Variants in HMG20B observed in about 807,000 individuals in gnomAD.
HMG20B encodes the protein SWI/SNF-related matrix-associated actin-dependent regulator of chromatin subfamily E member 1-related.
HMG20B carries 24 observed loss-of-function variants against 41.6 expected under a neutral mutation model. The ratio of observed to expected loss-of-function variants is 0.58; its 90% CI spans 0.42 to 0.81. The LOEUF is 0.81. HMG20B is among the 30% of genes least tolerant of loss of function. HMG20B has a pLI of 0.00. For synonymous variants in HMG20B, 251 were observed against 186.6 expected, an observed-to-expected ratio of 1.34 and a Z score of -2.81; for missense variants, 461 against 444.0, an observed-to-expected ratio of 1.04 and a Z score of -0.34.
In HMG20B at chr19:3,576,580, T is replaced by C; in HGVS notation, c.547T>C (p.Phe183Leu). 1 of 1,613,606 alleles carries C rather than the reference T, an allele frequency of 6.2e-7. No individual in the cohort carries two copies. Among genetic ancestry groups the C allele is most frequent in the Non-Finnish European group, 8.5e-7 (1 of 1,179,740 alleles). Residue 183 changes from phenylalanine to leucine, a missense_variant, in exon 7 of 10, where the codon TTC (phenylalanine) becomes CTC (leucine). Phe to Leu is a conservative substitution (Grantham distance 22, BLOSUM62 0). Coordinates refer to ENST00000333651, the MANE Select transcript of HMG20B (RefSeq NM_006339.3). ...KGGDCDGFSTFDVPIFTEEFL... is the reference protein window; with the variant it reads ...KGGDCDGFSTLDVPIFTEEFL... ...TGGGGACTGCGATGGCTTCTCCACC[T>C]TCGATGTTCCCATCTTCACTGAAGA... is the stretch of plus-strand genomic sequence containing the variant.
chr19:3,575,960 GAAAA>G (rs1340755763), intron 5 of HMG20B: 5 of 437,770 alleles, frequency 1.1e-5, no homozygotes, highest in South Asian at 3.1e-5. Flanking sequence ...AAAAAAAAAA[GAAAA>G]AGAAAAATGA....
intron 5 of HMG20B, 66 bp downstream of exon 5, chr19:3,575,726 G>GT (rs1308278046): frequency 7.0e-7 from 1 of 1,421,508 alleles, no homozygotes; most frequent in Non-Finnish European, 9.6e-7. Flanking sequence ...CGAGGCGGGT[G>GT]TATCACCTGA....
At chr19:3,573,848 A>C (rs759336139) in intron 3 of HMG20B, 48 bp downstream of exon 3, 4 of 1,477,412 alleles carry the variant, frequency 2.7e-6, no homozygotes, top group East Asian at 2.4e-5. Context: ...CTCCCGCCCC[A>C]GCCTCGAAGC....
intron 2 of HMG20B, 26 bp from the exon 3 acceptor site, chr19:3,573,666 G>C (rs1269736713): frequency 6.8e-7 from 1 of 1,478,074 alleles, no homozygotes; most frequent in Non-Finnish European, 8.9e-7. Flanking sequence ...TTGGGACGGG[G>C]CTGACCGCGG....
chr19:3,575,943 CAAAAAA>C (rs71166913), intron 5 of HMG20B: 4 of 289,538 alleles, frequency 1.4e-5, no homozygotes, highest in Admixed American at 5.2e-5. Context: ...GACTCCGTCT[CAAAAAA>C]AAAAAAAAAA....
chr19:3,576,573 C>T lies in HMG20B; in HGVS notation c.540C>T (p.Phe180=), dbSNP rs771697495. 1.1e-4 allele frequency: 183 copies of T among 1,613,470 alleles called. No homozygotes were observed. In the South Asian group the frequency reaches 1.9e-3, roughly 17 times the overall value. ...NGHKGGDCDG[F]STFDVPIFTE... ...CTTAGGGTGGGGACTGCGATGGCTTCTCCACCTTCGATGTTCCCATCTTCA... is the reference window on the plus strand; with the variant it reads ...CTTAGGGTGGGGACTGCGATGGCTTTTCCACCTTCGATGTTCCCATCTTCA... Residue 180 remains phenylalanine (F), a synonymous_variant, in exon 7 of 10, where the codon TTC becomes TTT. Transcript: ENST00000333651.
Position 3,573,328 on chromosome 19 carries a change from C to G in HMG20B, c.19C>G (p.Gln7Glu). 1 of 1,534,412 alleles carries G rather than the reference C, an allele frequency of 6.5e-7. No individual in the cohort carries two copies. The highest frequency in any genetic ancestry group is 8.7e-7 in the Non-Finnish European group (1 of 1,143,272). Reference protein sequence around the residue: MSHGPKQPGAAAAPAGG... With the variant: MSHGPKEPGAAAAPAGG... ...AGCGGCCATGTCCCACGGCCCCAAG[C>G]AGCCCGGCGCGGCCGCCGCGTGAGT... Residue 7 changes from glutamine (Q) to glutamate (E), a missense_variant, in exon 2 of 10, where the codon CAG becomes GAG. Gln to Glu is a conservative substitution (Grantham distance 29). Transcript: ENST00000333651.
intron 5 of HMG20B, 113 bp downstream of exon 5, chr19:3,575,773 C>G (rs1410712345): frequency 2.3e-6 from 2 of 866,126 alleles, no homozygotes; most frequent in East Asian, 2.9e-5. Flanking sequence ...GAAACCCTCC[C>G]CCTCTACTAA....
chr19:3,575,695 C>A (rs1362730924), intron 5 of HMG20B, 35 bp downstream of exon 5: 13 of 1,537,420 alleles, frequency 8.5e-6, no homozygotes, highest in Non-Finnish European at 1.1e-5. Flanking sequence ...TCACGCCTGT[C>A]ATCCCAGCAC....
At chr19:3,573,476 C>G (rs559484787) in intron 2 of HMG20B, 129 bp downstream of exon 2, 3 of 1,063,580 alleles carry the variant, frequency 2.8e-6, no homozygotes, top group Non-Finnish European at 3.9e-6. Flanking sequence ...GCTTCTCCCT[C>G]CACCCAATTC....
chr19:3,573,454 C>G (rs1166947591), intron 2 of HMG20B, 107 bp downstream of exon 2: 1 of 1,233,680 alleles, frequency 8.1e-7, no homozygotes, highest in East Asian at 2.9e-5. Flanking sequence ...ACTCCCCCAC[C>G]TGGGTCAGGG....
In HMG20B at chr19:3,577,045, A is replaced by T. The variant is rs977547629; in HGVS notation, c.746A>T (p.Gln249Leu). 1.9e-6 allele frequency: 3 copies of T among 1,548,052 alleles called. No homozygotes were observed. Among genetic ancestry groups the T allele is most frequent in the Non-Finnish European group, 2.6e-6 (3 of 1,147,168 alleles). ...GAGGAGCGGAGGACGCTGGCGCTGC[A>T]GCAGCAGCTCCAGGCCGTGCGCCAG... is the stretch of plus-strand genomic sequence containing the variant. ...ALEERRTLALQQQLQAVRQAL... is the reference protein window; with the variant it reads ...ALEERRTLALLQQLQAVRQAL... Residue 249 changes from glutamine (Q) to leucine (L), a missense_variant, in exon 8 of 10, where the codon CAG becomes CTG. Gln to Leu is a moderately radical substitution (Grantham distance 113). Transcript: ENST00000333651.
Position 3,574,482 on chromosome 19 carries a change from G to C in HMG20B, c.247G>C (p.Glu83Gln). Residue 83 changes from glutamate to glutamine, a missense_variant, in exon 4 of 10, where the codon GAG (glutamate) becomes CAG (glutamine). Coordinates refer to ENST00000333651, the MANE Select transcript of HMG20B (RefSeq NM_006339.3). Reference protein sequence around the residue: ...PVTGYVRFLNERREQIRTRHP... With the variant: ...PVTGYVRFLNQRREQIRTRHP... ...CACGGGCTACGTGCGCTTCCTGAAC[G>C]AGCGGCGCGAGCAGATCCGCACGCG... The C allele has an allele frequency of 6.2e-7, 1 of 1,607,992 alleles. No homozygotes were observed. The highest frequency in any genetic ancestry group is 8.5e-7 in the Non-Finnish European group (1 of 1,178,140).
chr19:3,576,833 A>G, intron 7 of HMG20B, 59 bp from the exon 8 acceptor site: 1 of 1,527,586 alleles, frequency 6.5e-7, no homozygotes, highest in Non-Finnish European at 8.9e-7. Flanking sequence ...TCCCGGGCAA[A>G]AGCCCGGAGG....
In HMG20B at chr19:3,574,504, C is replaced by T; in HGVS notation, c.269C>T (p.Thr90Met). The change falls in exon 4 of 10, where the codon ACG becomes ATG. Residue 90 changes from threonine (T) to methionine (M), a missense_variant. This residue lies in a region of HMG20B where 49 missense variants were observed against 84.1 expected (regional missense o/e 0.58). Transcript: ENST00000333651. ...FLNERREQIR[T>M]RHPDLPFPEI... ...AACGAGCGGCGCGAGCAGATCCGCA[C>T]GCGCCACCCGGATCTGCCCTTTCCC... 6.2e-7 allele frequency: 1 copy of T among 1,606,034 alleles called. No individual in the cohort carries two copies. The highest frequency in any genetic ancestry group is 8.5e-7 in the Non-Finnish European group (1 of 1,177,354).
intron 2 of HMG20B, 123 bp from the exon 3 acceptor site, chr19:3,573,569 G>T (rs745853558): frequency 2.1e-6 from 2 of 972,682 alleles, no homozygotes; most frequent in Non-Finnish European, 2.9e-6. Flanking sequence ...ATCAGACCCT[G>T]CCTCCTCGGG....
At chr19:3,573,051 AG>A in intron 1 of HMG20B, 57 bp downstream of exon 1, 1 of 443,788 alleles carries the variant, frequency 2.3e-6, no homozygotes, top group Non-Finnish European at 4.0e-6. Context: ...CAGGGGTCCC[AG>A]GGCCGGGCCG....
chr19:3,578,024 G>T lies in HMG20B; in HGVS notation c.852G>T (p.Met284Ile). The change falls in exon 9 of 10, where the codon ATG becomes ATT. Residue 284 changes from methionine to isoleucine, a missense_variant. By Grantham distance (10) the Met-to-Ile change is conservative. This residue lies in a region of HMG20B where 308 missense variants were observed against 283.4 expected (regional missense o/e 1.09). Coordinates refer to ENST00000333651, the MANE Select transcript of HMG20B (RefSeq NM_006339.3). ...TPTLGTLDFY[M>I]ARLHGAIERD... Reference sequence around the variant, plus strand: ...CGCTGGGCACTCTGGACTTCTACATGGCCCGGCTTCACGGAGCCATCGAGC... The same window carrying T: ...CGCTGGGCACTCTGGACTTCTACATTGCCCGGCTTCACGGAGCCATCGAGC... The T allele has an allele frequency of 6.2e-7, 1 of 1,608,996 alleles. No individual in the cohort carries two copies.
intron 7 of HMG20B, 49 bp downstream of exon 7, chr19:3,576,674 A>G (rs771653796): frequency 9.1e-6 from 14 of 1,544,112 alleles, no homozygotes; most frequent in Non-Finnish European, 9.8e-6. Flanking sequence ...ACTGGGTGGT[A>G]GAGGGGGGCG....
Sources: gnomAD v4.1 joint callset for allele counts on GRCh38, gnomAD v4.1.1 for gene constraint, gnomAD v4.1.1 regional missense constraint, MANE v1.5 for transcripts, NCBI Gene and HGNC (gene_info 2026-07-23, HGNC 2026-07-21) for gene names.